Variants in MINAR1 observed in about 807,000 individuals in gnomAD.
MINAR1 encodes major intrinsically disordered Notch2-binding receptor 1.
MINAR1 carries 40 observed loss-of-function variants against 65.1 expected under a neutral mutation model. That is an observed-to-expected ratio of 0.61 (90% confidence interval 0.48 to 0.80). MINAR1 has a LOEUF of 0.80. Among genes scored for constraint, MINAR1 ranks in the 30% least tolerant of loss-of-function variants. The probability of loss-of-function intolerance (pLI) is 0.00; values close to 1 mark genes in which losing one functional copy is unlikely to be tolerated. For missense variants in MINAR1, 1,128 were observed against 1,148.0 expected, an observed-to-expected ratio of 0.98 and a Z score of 0.25; for synonymous variants, 482 against 449.1, an observed-to-expected ratio of 1.07 and a Z score of -0.93.
chr15:79,428,917 C>G (rs1894379914), upstream of MINAR1, among the ~76,000 whole-genome samples: 2 of 152,012 alleles, frequency 1.3e-5, no homozygotes, highest in South Asian at 4.2e-4. Flanking sequence ...CACAGTTTTC[C>G]TTTCCCCTTC....
At chr15:79,437,692 T>G (rs1417091575) in intron 1 of MINAR1, among the ~76,000 whole-genome samples, 3 of 33,926 alleles carry the variant, frequency 8.8e-5, no homozygotes, top group Non-Finnish European at 1.2e-4. Context: ...GCGTGGGTAG[T>G]GAGTGTGTGG....
At position 79,469,810 on chromosome 15, in the gene MINAR1, A is replaced by T. The variant is rs1445864092; in HGVS notation, c.*1426A>T. 6.6e-6 allele frequency: 1 copy of T among 151,892 alleles called. No individual in the cohort carries two copies. The highest frequency in any genetic ancestry group is 1.5e-5 in the Non-Finnish European group (1 of 67,604). The allele number at this position is 151,892 out of a possible 1,614,324, so 9.4% of individuals were successfully genotyped here. A position where few individuals can be genotyped will look rare whatever the true frequency, so the allele number is the denominator to read the frequency against. The stretch of plus-strand genomic sequence containing the variant: ...CTAGCTACCTTATATATATTTTTTG[A>T]TAATAAGGTGGGATATAAATAGATT... On this transcript the variant is annotated 3_prime_UTR_variant, in exon 4 of 4. Coordinates refer to ENST00000305428, the MANE Select transcript of MINAR1 (RefSeq NM_015206.3).
chr15:79,459,899 C>T (rs1349314183), intron 2 of MINAR1, among the ~76,000 whole-genome samples: 1 of 152,214 alleles, frequency 6.6e-6, no homozygotes, highest in Non-Finnish European at 1.5e-5. Context: ...GTTCTATTGT[C>T]ACTATCTCTT....
the MINAR1 span, chr15:79,413,156 C>A: frequency 6.6e-6 from 1 of 152,220 alleles, no homozygotes; most frequent in East Asian, 1.9e-4. Flanking sequence ...ACACAAAAAA[C>A]TAGAGTACCT....
intron 1 of MINAR1, among the ~76,000 whole-genome samples, chr15:79,446,641 A>T (rs1434044117): frequency 6.6e-6 from 1 of 151,984 alleles, no homozygotes; most frequent in Non-Finnish European, 1.5e-5. Context: ...TTTAGTTTCA[A>T]TATGATGTGT....
At chr15:79,463,572 G>C in intron 3 of MINAR1, 2 of 652,526 alleles carry the variant, frequency 3.1e-6, no homozygotes, top group Non-Finnish European at 5.6e-6. Flanking sequence ...TTTTTTATCG[G>C]CCATCTGATT....
rs151156447 is a variant in MINAR1, at chr15:79,458,219, G to A, written c.2072G>A (p.Ser691Asn). The A allele has an allele frequency of 1.3e-4, 210 of 1,614,122 alleles. No individual in the cohort carries two copies. The African/African-American group carries it at 2.6e-3, about 20-fold the overall frequency. Residue 691 changes from serine (S) to asparagine (N), a missense_variant, in exon 2 of 4, where the codon AGT becomes AAT. By Grantham distance (46) the Ser-to-Asn change is conservative (BLOSUM62 1). Transcript: ENST00000305428. Reference protein sequence around the residue: ...WCCSDASGSNSESLRVKALKK... With the variant: ...WCCSDASGSNNESLRVKALKK... ...TGCTCTGATGCTAGCGGGAGCAACA[G>A]TGAAAGCCTGCGGGTCAAGGCCTTA...
chr15:79,431,516 G>T (rs572483029), upstream of MINAR1, among the ~76,000 whole-genome samples: 13 of 150,080 alleles, frequency 8.7e-5, no homozygotes, highest in South Asian at 6.3e-4. Context: ...TGTGTGTGTG[G>T]GGGGGGAGAG....
intron 1 of MINAR1, among the ~76,000 whole-genome samples, chr15:79,448,476 C>T (rs934325536): frequency 6.6e-6 from 1 of 152,132 alleles, no homozygotes; most frequent in African/African-American, 2.4e-5. Flanking sequence ...TATAGTTTCA[C>T]CAAATCACAG....
chr15:79,449,012 C>G (rs76936769), intron 1 of MINAR1, among the ~76,000 whole-genome samples: 32 of 152,112 alleles, frequency 2.1e-4, no homozygotes, highest in Non-Finnish European at 4.1e-4. Context: ...TTATCATGCC[C>G]AGAATGTGGC....
rs772119826 is a variant in MINAR1, at chr15:79,457,971, G to A, written c.1824G>A (p.Arg608=). ...KLVLRIGEIE[R]KLESLSGVRD... is the part of the protein sequence containing the mutation. ...TGCTCAGGATTGGCGAAATTGAACG[G>A]AAGCTGGAATCCCTGTCGGGTGTCC... Residue 608 remains arginine, a synonymous_variant, in exon 2 of 4, where the codon CGG becomes CGA. Coordinates refer to ENST00000305428, the MANE Select transcript of MINAR1 (RefSeq NM_015206.3). 24 of 1,614,108 alleles carry A rather than the reference G, an allele frequency of 1.5e-5. No individual in the cohort carries two copies. The highest frequency in any genetic ancestry group is 1.9e-5 in the Non-Finnish European group (23 of 1,179,986).
chr15:79,458,836 G>A (rs1174398579), intron 2 of MINAR1, among the ~76,000 whole-genome samples: 1 of 152,192 alleles, frequency 6.6e-6, no homozygotes. Flanking sequence ...ATACTGAAAA[G>A]GTGCTGGCTG....
intron 1 of MINAR1, among the ~76,000 whole-genome samples, chr15:79,436,338 A>C (rs1473486744): frequency 3.3e-5 from 5 of 152,194 alleles, no homozygotes; most frequent in African/African-American, 1.2e-4. Flanking sequence ...GGACCTGTGT[A>C]TGAGCACCAC....
In MINAR1 at chr15:79,458,262, C is replaced by T. The variant is rs1159054540; in HGVS notation, c.2115C>T (p.Thr705=). The change falls in exon 2 of 4, where the codon ACC becomes ACT. Residue 705 remains threonine, a synonymous_variant. Transcript: ENST00000305428. ...RVKALKKSLF[T]RPSSRSLTEE... ...AGGCCTTAAAAAAAAGCCTCTTCACCAGGCCATCCTCTAGGTCCCTAACAG... is the reference window on the plus strand; with the variant it reads ...AGGCCTTAAAAAAAAGCCTCTTCACTAGGCCATCCTCTAGGTCCCTAACAG... The T allele has an allele frequency of 9.9e-6, 16 of 1,613,986 alleles. No homozygotes were observed. The highest frequency in any genetic ancestry group is 1.4e-5 in the Non-Finnish European group (16 of 1,180,022).
In MINAR1 at chr15:79,457,032, C is replaced by T. The variant is rs1895448763; in HGVS notation, c.885C>T (p.His295=). The change falls in exon 2 of 4, where the codon CAC becomes CAT. Residue 295 remains histidine (H), a synonymous_variant. Transcript: ENST00000305428. The part of the protein sequence containing the change: ...HREPQSRKEP[H]KPPFFNHSFE... ...AACCCCAGAGTCGAAAGGAACCCCA[C>T]AAGCCACCCTTCTTCAACCACAGCT... The T allele has an allele frequency of 6.2e-7, 1 of 1,613,820 alleles. No individual in the cohort carries two copies. The highest frequency in any genetic ancestry group is 1.7e-5 in the Admixed American group (1 of 59,990).
At chr15:79,424,436 C>T in the MINAR1 span, 4 of 152,334 alleles carry the variant, frequency 2.6e-5, no homozygotes, top group South Asian at 6.2e-4. Flanking sequence ...CATTAGAGAA[C>T]TCCCACTCTC....
the MINAR1 span, chr15:79,426,846 G>T: frequency 6.6e-6 from 1 of 152,204 alleles, no homozygotes; most frequent in East Asian, 1.9e-4. Context: ...TCTAGTTTCA[G>T]ATTCATTTAT....
chr15:79,439,347 T>TGGGTGGG, intron 1 of MINAR1, among the ~76,000 whole-genome samples: 1 of 39,246 alleles, frequency 2.5e-5, no homozygotes, highest in Non-Finnish European at 5.7e-5. Flanking sequence ...GCAGTGTGTG[T>TGGGTGGG]GTGGGTAATG....
upstream of MINAR1, among the ~76,000 whole-genome samples, chr15:79,431,273 T>A (rs1894429082): frequency 6.6e-6 from 1 of 152,124 alleles, no homozygotes; most frequent in African/African-American, 2.4e-5. Context: ...ACCCTTTTTG[T>A]TTGTGTTGTT....
Sources: gnomAD v4.1 joint callset for allele counts (sites outside exome capture counted in the v4.1 genomes callset) on GRCh38, gnomAD v4.1.1 for gene constraint, MANE v1.5 for transcripts, NCBI Gene and HGNC (gene_info 2026-07-23, HGNC 2026-07-21) for gene names.